Variants in PTPRD observed in about 807,000 individuals in gnomAD.
PTPRD encodes the protein protein tyrosine phosphatase receptor type D.
PTPRD carries 34 observed loss-of-function variants against 214.5 expected under a neutral mutation model. That is an observed-to-expected ratio of 0.16 (90% confidence interval 0.12 to 0.21). The LOEUF is 0.21. Among genes scored for constraint, PTPRD ranks in the 10% least tolerant of loss-of-function variants. PTPRD has a pLI of 1.00. For missense variants in PTPRD, 2,545 were observed against 2,398.7 expected (o/e 1.06, Z -1.27); for synonymous variants, 1,128 against 845.7 (o/e 1.33, Z -5.79).
intron 11 of PTPRD, among the ~76,000 whole-genome samples, chr9:8,761,909 T>G (rs557185908): frequency 6.6e-6 from 1 of 152,250 alleles, no homozygotes; most frequent in Admixed American, 6.5e-5. Flanking sequence ...ATCCCTAGCT[T>G]CTCTGGTGAG....
At chr9:8,440,155 T>C (rs2132783379) in intron 34 of PTPRD, among the ~76,000 whole-genome samples, 1 of 151,980 alleles carries the variant, frequency 6.6e-6, no homozygotes, top group South Asian at 2.1e-4. Flanking sequence ...ATGAGCTTTC[T>C]CTTGGTGATA....
chr9:9,959,641 G>C (rs1007430301), intron 4 of PTPRD, among the ~76,000 whole-genome samples: 1 of 152,146 alleles, frequency 6.6e-6, no homozygotes, highest in Non-Finnish European at 1.5e-5. Context: ...AATAAGTCAA[G>C]TCTATAATGC....
At chr9:9,801,865 A>T (rs1175321667) in intron 5 of PTPRD, among the ~76,000 whole-genome samples, 2 of 152,060 alleles carry the variant, frequency 1.3e-5, no homozygotes, top group South Asian at 2.1e-4. Context: ...ATCAGGATAC[A>T]TGTTGGCACA....
chr9:9,276,329 C>A (rs1308013016), intron 9 of PTPRD, among the ~76,000 whole-genome samples: 1 of 151,290 alleles, frequency 6.6e-6, no homozygotes, highest in Non-Finnish European at 1.5e-5. Context: ...CTCTTTATTA[C>A]AAATTTGTAA....
At chr9:10,016,742 G>A (rs1426084127) in intron 4 of PTPRD, among the ~76,000 whole-genome samples, 1 of 150,832 alleles carries the variant, frequency 6.6e-6, no homozygotes, top group Non-Finnish European at 1.5e-5. Flanking sequence ...ATGGCTCACT[G>A]CATCCTCGAT....
chr9:9,197,480 T>C (rs763153918), intron 9 of PTPRD, among the ~76,000 whole-genome samples: 8 of 136,930 alleles, frequency 5.8e-5, no homozygotes, highest in Admixed American at 1.4e-4. Flanking sequence ...GCGCAATCTT[T>C]GCTCACTGCA....
intron 7 of PTPRD, among the ~76,000 whole-genome samples, chr9:9,588,475 T>C (rs972197908): frequency 1.3e-5 from 2 of 151,958 alleles, no homozygotes; most frequent in African/African-American, 4.8e-5. Context: ...CCACTTCATG[T>C]GCCAATCCAA....
chr9:10,186,391 A>G (rs1056038320), intron 3 of PTPRD, among the ~76,000 whole-genome samples: 4 of 152,076 alleles, frequency 2.6e-5, no homozygotes, highest in Non-Finnish European at 5.9e-5. Context: ...ATTTGATTTC[A>G]GTTCTTAAAT....
At chr9:10,304,074 G>A (rs2095966001) in intron 3 of PTPRD, among the ~76,000 whole-genome samples, 1 of 152,000 alleles carries the variant, frequency 6.6e-6, no homozygotes, top group South Asian at 2.1e-4. Context: ...CACAATCAAG[G>A]TGGCTTCATC....
chr9:8,315,953 G>GTTTA lies in PTPRD; in HGVS notation c.*1917_*1920dup, dbSNP rs1491147139. 4.6e-6 allele frequency: 1 copy of GTTTA among 217,838 alleles called. No individual in the cohort carries two copies. Among genetic ancestry groups the GTTTA allele is most frequent in the Non-Finnish European group, 9.0e-6 (1 of 110,996 alleles). 13.5% of individuals were successfully genotyped at this position (217,838 alleles called of 1,614,324 possible). A position where few individuals can be genotyped will look rare whatever the true frequency, so the allele number is the denominator to read the frequency against. ...GGGGTAAGATACATATATATATATA[G>GTTTA]TTTATTTCCCCTTTTAGAAAAATCC... On this transcript the variant is annotated 3_prime_UTR_variant, in exon 46 of 46. Transcript: ENST00000381196.
At chr9:9,252,827 G>C (rs905547006) in intron 9 of PTPRD, among the ~76,000 whole-genome samples, 1 of 151,898 alleles carries the variant, frequency 6.6e-6, no homozygotes, top group African/African-American at 2.4e-5. Context: ...TTTCTGTCTT[G>C]TTAATCTGTC....
At chr9:8,374,209 T>A (rs1169116639) in intron 39 of PTPRD, among the ~76,000 whole-genome samples, 2 of 151,634 alleles carry the variant, frequency 1.3e-5, no homozygotes, top group Non-Finnish European at 2.9e-5. Context: ...TAGACCAAAT[T>A]TTCTGTTTCT....
chr9:8,340,177 T>C (rs1356608759), intron 42 of PTPRD, among the ~76,000 whole-genome samples, 166 bp downstream of exon 42: 1 of 152,156 alleles, frequency 6.6e-6, no homozygotes, highest in Non-Finnish European at 1.5e-5. Context: ...ACACTTGATG[T>C]GGCTTTACAA....
intron 5 of PTPRD, among the ~76,000 whole-genome samples, chr9:9,905,517 G>T (rs934124971): frequency 6.6e-6 from 1 of 151,780 alleles, no homozygotes; most frequent in Non-Finnish European, 1.5e-5. Context: ...AAGCCAGTCA[G>T]ATACTTATCT....
intron 9 of PTPRD, among the ~76,000 whole-genome samples, chr9:9,200,230 G>T (rs991400317): frequency 1.3e-5 from 2 of 152,188 alleles, no homozygotes. Context: ...CAGAAAATTT[G>T]AGCAAAAATC....
At chr9:9,901,514 G>A (rs1454221936) in intron 5 of PTPRD, among the ~76,000 whole-genome samples, 1 of 151,816 alleles carries the variant, frequency 6.6e-6, no homozygotes, top group East Asian at 1.9e-4. Context: ...AAATATCTAA[G>A]AATTAACAGT....
At chr9:9,881,771 C>A (rs11999751) in intron 5 of PTPRD, among the ~76,000 whole-genome samples, 9,451 of 152,140 alleles carry the variant, frequency 0.062, 931 homozygotes, top group African/African-American at 0.21. Context: ...GTAACCATAT[C>A]ATTTGCTTTA....
At chr9:9,099,866 T>C (rs2099788933) in intron 10 of PTPRD, among the ~76,000 whole-genome samples, 1 of 151,930 alleles carries the variant, frequency 6.6e-6, no homozygotes, top group African/African-American at 2.4e-5. Context: ...TTAATTAGAG[T>C]TGGAGAGAGC....
chr9:8,427,772 C>G (rs965641520), intron 35 of PTPRD, among the ~76,000 whole-genome samples: 4 of 151,982 alleles, frequency 2.6e-5, no homozygotes, highest in Non-Finnish European at 5.9e-5. Flanking sequence ...GATTCTAAGA[C>G]ATACATTTCC....
Sources: gnomAD v4.1 joint callset for allele counts (sites outside exome capture counted in the v4.1 genomes callset) on GRCh38, gnomAD v4.1.1 for gene constraint, MANE v1.5 for transcripts, NCBI Gene and HGNC (gene_info 2026-07-23, HGNC 2026-07-21) for gene names.